Variants in ZNG1C observed in about 807,000 individuals in gnomAD.
ZNG1C encodes the protein Zn regulated GTPase metalloprotein activator 1C.
the ZNG1C span, among the ~76,000 whole-genome samples, chr9:68,268,648 C>T: frequency 2.3e-3 from 345 of 152,300 alleles, no homozygotes; most frequent in African/African-American, 8.0e-3. Context: ...TAAAGTGAAG[C>T]GTCTTTTTAT....
At chr9:68,276,619 A>G in the ZNG1C span, among the ~76,000 whole-genome samples, 11 of 143,220 alleles carry the variant, frequency 7.7e-5, no homozygotes, top group Admixed American at 7.1e-5. Context: ...AGTTGTAGAT[A>G]TGCGGCGTTA....
chr9:68,295,755 CAG>C, the ZNG1C span, among the ~76,000 whole-genome samples: 2 of 73,920 alleles, frequency 2.7e-5, no homozygotes, highest in East Asian at 6.4e-4. Flanking sequence ...ATCAAAACCA[CAG>C]TGCGATACCA....
the ZNG1C span, among the ~76,000 whole-genome samples, chr9:68,246,839 T>TG: frequency 2.5e-4 from 1 of 4,054 alleles, no homozygotes; most frequent in Non-Finnish European, 7.6e-4. Context: ...AAAGTTTAGG[T>TG]TTTTTTTTTT....
At chr9:68,259,834 G>A in the ZNG1C span, among the ~76,000 whole-genome samples, 17 of 151,528 alleles carry the variant, frequency 1.1e-4, no homozygotes, top group Non-Finnish European at 1.9e-4. Context: ...GTTTAAGTTT[G>A]CTTTTTTTTC....
At chr9:68,259,588 T>C in the ZNG1C span, among the ~76,000 whole-genome samples, 1 of 149,960 alleles carries the variant, frequency 6.7e-6, no homozygotes. Flanking sequence ...CTTGGCTCAC[T>C]GCAACCTCCA....
chr9:68,286,850 T>C, the ZNG1C span, among the ~76,000 whole-genome samples: 1 of 145,736 alleles, frequency 6.9e-6, no homozygotes, highest in African/African-American at 2.6e-5. Context: ...GTTAATAGGA[T>C]ATTCCTCTTC....
chr9:68,269,548 C>CTTTTTTTTTT, the ZNG1C span: 1 of 57,052 alleles, frequency 1.8e-5, no homozygotes, highest in African/African-American at 2.6e-4. Flanking sequence ...TTATTAAGCT[C>CTTTTTTTTTT]ATTTTTTTTT....
the ZNG1C span, chr9:68,272,280 TTGAAAGCC>T: frequency 7.7e-6 from 1 of 129,936 alleles, no homozygotes; most frequent in South Asian, 2.6e-4. Context: ...TAGGGAAAAA[TTGAAAGCC>T]TCTCTTTTAA....
At chr9:68,247,634 T>G in the ZNG1C span, 830 of 1,522,146 alleles carry the variant, frequency 5.5e-4, 8 homozygotes, top group African/African-American at 0.011. Context: ...GAGAAATCCT[T>G]AGCTGTCAGC....
the ZNG1C span, among the ~76,000 whole-genome samples, chr9:68,287,009 C>T: frequency 1.3e-5 from 2 of 152,018 alleles, no homozygotes; most frequent in Non-Finnish European, 2.9e-5. Flanking sequence ...GGGTAAAGAA[C>T]GTGATGCCAA....
At chr9:68,299,250 A>C in the ZNG1C span, 3 of 1,548,754 alleles carry the variant, frequency 1.9e-6, no homozygotes, top group South Asian at 3.8e-5. Flanking sequence ...CAACGTTCGT[A>C]AAAGCTTGTT....
At chr9:68,280,975 A>T in the ZNG1C span, among the ~76,000 whole-genome samples, 10 of 117,344 alleles carry the variant, frequency 8.5e-5, no homozygotes, top group African/African-American at 1.6e-4. Flanking sequence ...CTGCTGTGCT[A>T]GCAATCAGCG....
At chr9:68,266,614 G>C in the ZNG1C span, among the ~76,000 whole-genome samples, 3 of 146,872 alleles carry the variant, frequency 2.0e-5, no homozygotes, top group African/African-American at 7.8e-5. Context: ...ACTTTACCCA[G>C]GATGGTTAAT....
chr9:68,276,012 A>G, the ZNG1C span, among the ~76,000 whole-genome samples: 3 of 151,886 alleles, frequency 2.0e-5, no homozygotes, highest in African/African-American at 7.3e-5. Flanking sequence ...GGTGTGAGAT[A>G]GTATCTCATT....
At chr9:68,284,561 G>A in the ZNG1C span, among the ~76,000 whole-genome samples, 1 of 55,886 alleles carries the variant, frequency 1.8e-5, no homozygotes, top group Non-Finnish European at 3.6e-5. Context: ...TTTTTACTTG[G>A]GAGAAATAGA....
the ZNG1C span, chr9:68,299,104 A>G: frequency 6.2e-7 from 1 of 1,609,192 alleles, no homozygotes; most frequent in South Asian, 1.1e-5. Context: ...GTAAGTCTCA[A>G]AGGATTCACA....
chr9:68,275,288 A>AT, the ZNG1C span, among the ~76,000 whole-genome samples: 1 of 137,500 alleles, frequency 7.3e-6, no homozygotes, highest in African/African-American at 2.5e-5. Context: ...TCTTCACTTT[A>AT]TTTTTTTATT....
At chr9:68,256,758 T>C in the ZNG1C span, among the ~76,000 whole-genome samples, 1 of 117,854 alleles carries the variant, frequency 8.5e-6, no homozygotes, top group Non-Finnish European at 1.7e-5. Flanking sequence ...ATCACTATAA[T>C]TCCCTTTTGC....
the ZNG1C span, among the ~76,000 whole-genome samples, chr9:68,264,821 T>TTATATATA: frequency 2.6e-3 from 64 of 24,918 alleles, 1 homozygote; most frequent in East Asian, 0.014. Flanking sequence ...GGATTGAAGA[T>TTATATATA]TATATATATA....
Sources: gnomAD v4.1 joint callset for allele counts (sites outside exome capture counted in the v4.1 genomes callset) on GRCh38, gnomAD v4.1.1 for gene constraint, MANE v1.5 for transcripts, NCBI Gene and HGNC (gene_info 2026-07-23, HGNC 2026-07-21) for gene names.